ANO3: variants seen among roughly 807,000 people sequenced by gnomAD.
ANO3 encodes anoctamin-3.
A neutral mutation model predicts 144.8 loss-of-function variants in ANO3; 99 were observed. The ratio of observed to expected loss-of-function variants is 0.68; its 90% CI spans 0.58 to 0.81. The LOEUF is 0.81. Ranked by LOEUF, ANO3 falls within the 30% of genes least tolerant of loss-of-function variation. The pLI, the probability that ANO3 is intolerant of heterozygous loss-of-function variation, is 0.00. For missense variants in ANO3, 905 were observed against 1,202.2 expected, an observed-to-expected ratio of 0.75 and a Z score of 3.66; for synonymous variants, 414 against 392.6, an observed-to-expected ratio of 1.05 and a Z score of -0.64.
At chr11:26,418,712 G>GCA (rs1274807713) in intron 1 of ANO3, among the ~76,000 whole-genome samples, 6 of 151,510 alleles carry the variant, frequency 4.0e-5, no homozygotes, top group Admixed American at 1.3e-4. Context: ...AAGCGCGCGC[G>GCA]CGCACACACA....
chr11:26,563,296 A>G lies in ANO3; in HGVS notation c.1447+3517A>G, dbSNP rs753970078. ...GGACAAAAAAAATTTAAAGAAATATAAAATAATTATTCAAAGAACCGAACT... is the reference window on the plus strand; with the variant it reads ...GGACAAAAAAAATTTAAAGAAATATGAAATAATTATTCAAAGAACCGAACT... On this transcript the variant is annotated intron_variant, in intron 14 of 26. Coordinates refer to ENST00000256737, the MANE Select transcript of ANO3 (RefSeq NM_031418.4). The G allele has an allele frequency of 5.1e-6, 8 of 1,559,890 alleles. No homozygotes were observed. The African/African-American group carries it at 1.1e-4, about 22-fold the overall frequency.
At chr11:26,272,557 GA>G (rs1431974358) in intron 1 of ANO3, among the ~76,000 whole-genome samples, 1 of 152,094 alleles carries the variant, frequency 6.6e-6, no homozygotes, top group East Asian at 1.9e-4. Context: ...AAGTAAAAGG[GA>G]GGTGAACCAT....
At chr11:26,275,960 G>A (rs1482687699) in intron 1 of ANO3, among the ~76,000 whole-genome samples, 1 of 151,956 alleles carries the variant, frequency 6.6e-6, no homozygotes, top group Non-Finnish European at 1.5e-5. Flanking sequence ...TTTGTTCAAG[G>A]GAATAACACT....
chr11:26,555,434 T>C (rs1266504364), intron 13 of ANO3, among the ~76,000 whole-genome samples: 1 of 152,154 alleles, frequency 6.6e-6, no homozygotes, highest in East Asian at 1.9e-4. Flanking sequence ...GGCAGAGTGA[T>C]AAAGTAAGGA....
At chr11:26,297,245 C>CT (rs143854075) in intron 1 of ANO3, among the ~76,000 whole-genome samples, 24,638 of 150,256 alleles carry the variant, frequency 0.16, 2,460 homozygotes, top group African/African-American at 0.28. Flanking sequence ...ATCTGTGTTT[C>CT]TTTTTTTTAT....
chr11:26,517,664 A>C (rs1275081278), intron 6 of ANO3, among the ~76,000 whole-genome samples: 1 of 152,060 alleles, frequency 6.6e-6, no homozygotes, highest in East Asian at 1.9e-4. Flanking sequence ...CACAAACAGA[A>C]TGCCAAGTAA....
chr11:26,621,933 C>T (rs1278211073), intron 17 of ANO3, among the ~76,000 whole-genome samples: 1 of 152,150 alleles, frequency 6.6e-6, no homozygotes, highest in Non-Finnish European at 1.5e-5. Context: ...CAAGCACGTA[C>T]TCATTCCACT....
intron 1 of ANO3, among the ~76,000 whole-genome samples, chr11:26,434,979 T>C (rs1208616681): frequency 6.6e-6 from 1 of 152,172 alleles, no homozygotes; most frequent in East Asian, 1.9e-4. Flanking sequence ...ATATCTTTGT[T>C]AATTTTCTGC....
chr11:26,306,738 A>G (rs1206573717), upstream of ANO3, among the ~76,000 whole-genome samples: 2 of 152,262 alleles, frequency 1.3e-5, no homozygotes, highest in Admixed American at 6.5e-5. Context: ...GGGCTATCAC[A>G]TCTCATACCA....
intron 24 of ANO3, among the ~76,000 whole-genome samples, chr11:26,653,592 G>T (rs977562565): frequency 1.3e-5 from 2 of 151,972 alleles, no homozygotes; most frequent in Admixed American, 6.5e-5. Context: ...TACAAAGGGA[G>T]CTTCTTCTCT....
chr11:26,447,887 C>T (rs745456988), intron 3 of ANO3, among the ~76,000 whole-genome samples: 19 of 152,294 alleles, frequency 1.2e-4, no homozygotes, highest in African/African-American at 2.4e-4. Flanking sequence ...CCATTGCCTA[C>T]GTTTTTTTCT....
At chr11:26,334,327 A>C (rs11029525) in intron 1 of ANO3, among the ~76,000 whole-genome samples, 48,010 of 152,152 alleles carry the variant, frequency 0.32, 8,547 homozygotes, top group Admixed American at 0.46. Context: ...ATTAGGAAAA[A>C]AACAGACCAA....
chr11:26,447,690 A>AT lies in ANO3; in HGVS notation c.313+3861dup, dbSNP rs895599046. ...TGATTTTTTTTTTGTTTTCTTCTTC[A>AT]TTTTTTTATTGACATCACATAACCT... On this transcript the variant is annotated intron_variant, in intron 3 of 26. Coordinates refer to ENST00000256737, the MANE Select transcript of ANO3 (RefSeq NM_031418.4). Among the ~76,000 whole-genome samples, 2 of 151,924 alleles carry AT rather than the reference A, an allele frequency of 1.3e-5. 1 individual carries two copies. Among genetic ancestry groups the AT allele is most frequent in the South Asian group, 4.1e-4 (2 of 4,832 alleles).
chr11:26,277,737 C>G (rs1853589561), intron 1 of ANO3, among the ~76,000 whole-genome samples: 2 of 151,688 alleles, frequency 1.3e-5, no homozygotes, highest in South Asian at 4.2e-4. Context: ...GGCTTAATAT[C>G]ATCTTTCTGT....
At chr11:26,347,316 A>G (rs1855522049) in intron 1 of ANO3, among the ~76,000 whole-genome samples, 2 of 152,214 alleles carry the variant, frequency 1.3e-5, no homozygotes, top group Admixed American at 1.3e-4. Context: ...CTATTTAACA[A>G]TGTTGAAGTT....
intron 1 of ANO3, among the ~76,000 whole-genome samples, chr11:26,284,543 G>A (rs111815404): frequency 3.3e-5 from 5 of 152,182 alleles, no homozygotes; most frequent in African/African-American, 9.6e-5. Context: ...CTTCCCGCGG[G>A]TCTCTCAATT....
intron 1 of ANO3, among the ~76,000 whole-genome samples, chr11:26,365,970 A>ATTTTTTTTTTTTTTTTT (rs1856061826): frequency 1.9e-4 from 1 of 5,154 alleles, no homozygotes; most frequent in African/African-American, 3.9e-4. Flanking sequence ...ATATATATAT[A>ATTTTTTTTTTTTTTTTT]TATATATATA....
chr11:26,303,715 A>G (rs1854290529), intron 1 of ANO3, among the ~76,000 whole-genome samples: 1 of 152,072 alleles, frequency 6.6e-6, no homozygotes, highest in South Asian at 2.1e-4. Flanking sequence ...TGAAATTATT[A>G]TTGTTATTAT....
In ANO3 at chr11:26,647,729, G is replaced by A. The variant is rs1393695079; in HGVS notation, c.2449G>A (p.Glu817Lys). Residue 817 changes from glutamate (E) to lysine (K), a missense_variant, in exon 24 of 27, where the codon GAA becomes AAA. Transcript: ENST00000256737. ...ACCAGGTATCTGGCTTGGAATTCTC[G>A]AAGGAATCGGTATATTGGCTGTGAT... ...TDIGIWLGIL[E>K]GIGILAVITN... 7 of 1,605,150 alleles carry A rather than the reference G, an allele frequency of 4.4e-6. No homozygotes were observed. The highest frequency in any genetic ancestry group is 1.1e-5 in the South Asian group (1 of 89,518).
Sources: gnomAD v4.1 joint callset for allele counts (sites outside exome capture counted in the v4.1 genomes callset) on GRCh38, gnomAD v4.1.1 for gene constraint, MANE v1.5 for transcripts, NCBI Gene and HGNC (gene_info 2026-07-23, HGNC 2026-07-21) for gene names.